Variants in COL25A1 observed in about 807,000 individuals in gnomAD.
The protein encoded by COL25A1 is collagen alpha-1(XXV) chain.
Under a neutral mutation model 128.4 loss-of-function variants are expected in COL25A1, and 103 were observed. The ratio of observed to expected loss-of-function variants is 0.80; its 90% CI spans 0.68 to 0.94. The LOEUF (loss-of-function observed/expected upper bound fraction) is 0.94, where lower values mean the gene tolerates loss of function less well. Ranked by LOEUF, COL25A1 falls within the 40% of genes least tolerant of loss-of-function variation. The pLI is 0.00. For missense variants in COL25A1, 745 were observed against 840.0 expected, an observed-to-expected ratio of 0.89 and a Z score of 1.40; for synonymous variants, 279 against 277.2, an observed-to-expected ratio of 1.01 and a Z score of -0.06.
chr4:108,880,151 T>C (rs1474085802), intron 19 of COL25A1, among the ~76,000 whole-genome samples: 1 of 152,192 alleles, frequency 6.6e-6, no homozygotes, highest in Non-Finnish European at 1.5e-5. Context: ...TTAGGTAACA[T>C]TGACTGGAGC....
At chr4:109,197,380 A>G (rs563490769) in intron 3 of COL25A1, among the ~76,000 whole-genome samples, 1 of 128,300 alleles carries the variant, frequency 7.8e-6, no homozygotes, top group Non-Finnish European at 1.6e-5. Context: ...AATATATATA[A>G]TATATAATCT....
At chr4:109,242,121 T>A (rs1779935096) in intron 3 of COL25A1, among the ~76,000 whole-genome samples, 1 of 152,000 alleles carries the variant, frequency 6.6e-6, no homozygotes, top group Non-Finnish European at 1.5e-5. Context: ...CGAGGCTTTG[T>A]AAAATGGAAT....
intron 8 of COL25A1, among the ~76,000 whole-genome samples, chr4:108,950,215 A>G (rs893700190): frequency 2.0e-5 from 3 of 152,208 alleles, no homozygotes; most frequent in African/African-American, 7.2e-5. Context: ...TAGCAATGAA[A>G]AATACCTAGA....
chr4:108,944,060 T>G (rs1456737302), intron 8 of COL25A1, among the ~76,000 whole-genome samples: 7 of 152,204 alleles, frequency 4.6e-5, no homozygotes, highest in Non-Finnish European at 8.8e-5. Context: ...GGCAGTAAAA[T>G]TAGTTTGTAG....
intron 3 of COL25A1, among the ~76,000 whole-genome samples, chr4:109,065,956 C>T (rs1762413779): frequency 6.6e-6 from 1 of 152,136 alleles, no homozygotes; most frequent in Admixed American, 6.5e-5. Flanking sequence ...CCCACACATG[C>T]TATCGGTCAT....
chr4:108,916,271 C>A (rs1655761016), intron 13 of COL25A1, among the ~76,000 whole-genome samples: 1 of 152,116 alleles, frequency 6.6e-6, no homozygotes, highest in Non-Finnish European at 1.5e-5. Flanking sequence ...ACAGAAAACA[C>A]TTCTAAAATG....
intron 3 of COL25A1, among the ~76,000 whole-genome samples, chr4:109,249,466 C>T (rs1414084903): frequency 6.6e-6 from 1 of 152,124 alleles, no homozygotes; most frequent in Non-Finnish European, 1.5e-5. Context: ...GTCTTATTCA[C>T]TACAGCCAAA....
chr4:108,903,453 T>C (rs1292074016), intron 13 of COL25A1, among the ~76,000 whole-genome samples: 1 of 152,062 alleles, frequency 6.6e-6, no homozygotes, highest in Non-Finnish European at 1.5e-5. Context: ...AATAGTTTAA[T>C]CATCTATCAA....
At position 108,889,368 on chromosome 4, in the gene COL25A1, G is replaced by A. The variant is rs567636272; in HGVS notation, c.940-112C>T. 1.4e-5 allele frequency: 13 copies of A among 921,776 alleles called. No homozygotes were observed. The East Asian group carries it at 3.2e-4, about 23-fold the overall frequency. 57.1% of individuals were successfully genotyped at this position (921,776 alleles called of 1,614,324 possible). A position where few individuals can be genotyped will look rare whatever the true frequency, so the allele number is the denominator to read the frequency against. ...GCCTAGCCCCCTTCTTCAACCACAT[G>A]TCTTTTATTTCCTTTATCCTGTGAC... On this transcript the variant is annotated intron_variant, in intron 17 of 37. Transcript: ENST00000399132.
At chr4:109,097,042 A>G (rs927926967) in intron 3 of COL25A1, among the ~76,000 whole-genome samples, 10 of 152,230 alleles carry the variant, frequency 6.6e-5, no homozygotes, top group African/African-American at 2.4e-4. Context: ...AAGTTACTTC[A>G]GGTTACTTTC....
At chr4:109,059,106 C>G (rs1458956863) in intron 3 of COL25A1, among the ~76,000 whole-genome samples, 1 of 152,104 alleles carries the variant, frequency 6.6e-6, no homozygotes, top group Admixed American at 6.6e-5. Flanking sequence ...GGGAAAAGCA[C>G]AAAATACTAG....
intron 3 of COL25A1, among the ~76,000 whole-genome samples, chr4:109,115,440 G>C (rs568532282): frequency 5.9e-5 from 9 of 152,092 alleles, no homozygotes; most frequent in Non-Finnish European, 1.3e-4. Flanking sequence ...AAGTTGAAGG[G>C]CCGACATTAA....
intron 11 of COL25A1, chr4:108,920,871 T>G (rs1745420818): frequency 3.1e-6 from 1 of 317,706 alleles, no homozygotes; most frequent in Admixed American, 4.9e-5. Context: ...TTCCAGCACA[T>G]ATTGTTTTTT....
chr4:109,102,860 T>A (rs1766036640), intron 3 of COL25A1, among the ~76,000 whole-genome samples: 1 of 152,178 alleles, frequency 6.6e-6, no homozygotes, highest in South Asian at 2.1e-4. Flanking sequence ...CAGCAAACAG[T>A]TGCTCTTTAT....
chr4:109,208,786 C>T (rs546445184), intron 3 of COL25A1, among the ~76,000 whole-genome samples: 31 of 152,182 alleles, frequency 2.0e-4, no homozygotes, highest in African/African-American at 5.8e-4. Context: ...CTACAGAGAG[C>T]AGTAGCATGT....
At chr4:108,938,765 G>A (rs1053231931) in intron 10 of COL25A1, among the ~76,000 whole-genome samples, 3 of 152,268 alleles carry the variant, frequency 2.0e-5, no homozygotes, top group Admixed American at 2.0e-4. Flanking sequence ...GCTGAGACAG[G>A]AGAATGGTGT....
intron 24 of COL25A1, 100 bp downstream of exon 24, chr4:108,859,556 T>C (rs1027952221): frequency 2.5e-5 from 23 of 909,710 alleles, no homozygotes; most frequent in Non-Finnish European, 3.9e-5. Context: ...AGTGGAGTCC[T>C]CTGAGGATAG....
intron 30 of COL25A1, 44 bp from the exon 31 acceptor site, chr4:108,841,765 G>C (rs1734490291): frequency 6.9e-7 from 1 of 1,449,504 alleles, no homozygotes; most frequent in Non-Finnish European, 9.7e-7. Flanking sequence ...TTGATTCCCT[G>C]TTTCCCAGCA....
chr4:109,078,108 G>C (rs1446658093), intron 3 of COL25A1, among the ~76,000 whole-genome samples: 2 of 152,142 alleles, frequency 1.3e-5, no homozygotes, highest in African/African-American at 2.4e-5. Context: ...GATTTTTGCA[G>C]TGCCTGGGTT....
Sources: allele counts gnomAD v4.1 joint callset (sites outside exome capture counted in the v4.1 genomes callset), GRCh38; gene constraint gnomAD v4.1.1; transcripts MANE v1.5; gene names NCBI Gene and HGNC (gene_info 2026-07-23, HGNC 2026-07-21).